MYO1F: variants seen among roughly 807,000 people sequenced by gnomAD.
The protein encoded by MYO1F is unconventional myosin-If.
MYO1F carries 60 observed loss-of-function variants against 146.6 expected under a neutral mutation model. The observed-to-expected ratio is 0.41, with a 90% CI of 0.33 to 0.51. The LOEUF (loss-of-function observed/expected upper bound fraction) is 0.51. Among genes scored for constraint, MYO1F ranks in the 20% least tolerant of loss-of-function variants. MYO1F has a pLI of 0.25. For synonymous variants in MYO1F, 602 were observed against 602.1 expected, an observed-to-expected ratio of 1.00 and a Z score of 0.00; for missense variants, 1,274 against 1,534.3, an observed-to-expected ratio of 0.83 and a Z score of 2.83.
chr19:8,546,478 G>A (rs962224895), intron 12 of MYO1F, among the ~76,000 whole-genome samples: 1 of 151,702 alleles, frequency 6.6e-6, no homozygotes. Context: ...TCTCATCTCA[G>A]CCTTCCGAGT....
chr19:8,543,984 CTGGTGGTGGTGCTGGTGGTGGCGG>C, intron 14 of MYO1F: 9 of 173,230 alleles, frequency 5.2e-5, no homozygotes, highest in South Asian at 4.3e-4. Context: ...GGTGCTGGTG[CTGGTGGTGGTGCTGGTGGTGGCGG>C]TGGCGGTGGC....
At position 8,543,988 on chromosome 19, in the gene MYO1F, TGGTGGTGCTGGTGGTGGCGGTGGC is replaced by T. The variant is rs1457184376; in HGVS notation, c.1524+285_1524+308del. ...GTGGTGGTGCTGGTGCTGGTGCTGG[TGGTGGTGCTGGTGGTGGCGGTGGC>T]GGTGGCGGTGGCGGTGGCGGTGGCG... On this transcript the variant is annotated intron_variant, in intron 14 of 27. Transcript: ENST00000644032. 857 of 326,660 alleles carry T rather than the reference TGGTGGTGCTGGTGGTGGCGGTGGC, an allele frequency of 2.6e-3. 3 individuals are homozygous for T. Among genetic ancestry groups the T allele is most frequent in the South Asian group, 4.7e-3 (182 of 38,904 alleles). 20.2% of individuals were successfully genotyped at this position (326,660 alleles called of 1,614,324 possible). A position where few individuals can be genotyped will look rare whatever the true frequency, so the allele number is the denominator to read the frequency against.
At chr19:8,521,707 G>C in intron 27 of MYO1F, 103 bp from the exon 28 acceptor site, 2 of 1,110,570 alleles carry the variant, frequency 1.8e-6, no homozygotes, top group Non-Finnish European at 1.3e-6. Flanking sequence ...ATGTTGTCCA[G>C]GCTGGTCTTA....
In MYO1F at chr19:8,530,461, TCCTC is replaced by T; in HGVS notation, c.2152_2155del (p.Glu718LysfsTer7). 6.2e-7 allele frequency: 1 copy of T among 1,613,702 alleles called. No homozygotes were observed. The highest frequency in any genetic ancestry group is 2.2e-5 in the East Asian group (1 of 44,878). ...GCCGTTTACCCGAAGCCTCTCACCT[TCCTC>T]CCGCATCTCCTCGTACTTCCGGACA... is the stretch of plus-strand genomic sequence containing the variant. On this transcript the variant is annotated frameshift_variant, in exon 20 of 28. Coordinates refer to ENST00000644032, the MANE Select transcript of MYO1F (RefSeq NM_012335.4). LOFTEE classifies it high-confidence loss of function. The surrounding 1 kb of genome is among the most constrained non-coding windows in gnomAD (Gnocchi z 5.8).
At chr19:8,532,078 A>G (rs1050653135) in intron 19 of MYO1F, among the ~76,000 whole-genome samples, 2 of 152,038 alleles carry the variant, frequency 1.3e-5, no homozygotes, top group African/African-American at 4.8e-5. Context: ...AGATTGCGCC[A>G]CTGCACTCCA....
intron 1 of MYO1F, among the ~76,000 whole-genome samples, chr19:8,567,349 G>A (rs1229228109): frequency 6.6e-6 from 1 of 151,794 alleles, no homozygotes; most frequent in Admixed American, 6.6e-5. Context: ...ACAGGCATGA[G>A]CCACCGTGCC....
At chr19:8,523,353 T>G (rs569184882) in intron 25 of MYO1F, among the ~76,000 whole-genome samples, 1 of 151,880 alleles carries the variant, frequency 6.6e-6, no homozygotes, top group Non-Finnish European at 1.5e-5. Context: ...TACTTTTATT[T>G]GTTTATTTTG....
At position 8,568,432 on chromosome 19, in the gene MYO1F, A is replaced by AAAAAAC. The variant is rs1568375555; in HGVS notation, c.3+8874_3+8875insGTTTTT. ...AGTGAGACTCCGTCTCAAAAAAAAAAAAAAAAAAAAAAATTAATCACAGGC... is the reference window on the plus strand; with the variant it reads ...AGTGAGACTCCGTCTCAAAAAAAAAAAAAAACAAAAAAAAAAAAATTAATCACAGGC... On this transcript the variant is annotated intron_variant, in intron 1 of 27. Transcript: ENST00000644032. Among the ~76,000 whole-genome samples, 514 of 148,166 alleles carry AAAAAAC rather than the reference A, an allele frequency of 3.5e-3. 12 individuals are homozygous for AAAAAAC. The highest frequency in any genetic ancestry group is 0.013 in the African/African-American group (498 of 39,306).
intron 4 of MYO1F, among the ~76,000 whole-genome samples, 196 bp downstream of exon 4, chr19:8,554,281 A>G (rs544532659): frequency 6.6e-6 from 1 of 152,132 alleles, no homozygotes; most frequent in Non-Finnish European, 1.5e-5. Flanking sequence ...GAGGGGACAG[A>G]CAGACAATAG....
chr19:8,525,282 G>A (rs1312960360), intron 25 of MYO1F, 197 bp downstream of exon 25: 1 of 584,592 alleles, frequency 1.7e-6, no homozygotes, highest in African/African-American at 1.9e-5. Context: ...GTGGTTAGCT[G>A]GGTTTGGGTT....
intron 2 of MYO1F, chr19:8,555,431 T>G (rs369884531): frequency 1.6e-5 from 6 of 366,740 alleles, no homozygotes; most frequent in African/African-American, 5.2e-5. Context: ...GGATCCGGAA[T>G]GGGGGAAATG....
intron 1 of MYO1F, among the ~76,000 whole-genome samples, chr19:8,574,249 C>T (rs1221746623): frequency 1.3e-5 from 2 of 152,176 alleles, no homozygotes; most frequent in African/African-American, 2.4e-5. Flanking sequence ...CCACCACAAC[C>T]AATGACACCA....
Position 8,521,620 on chromosome 19 carries a change from A to G in MYO1F, c.3221-16T>C, listed in dbSNP as rs1485834668. 9.3e-6 allele frequency: 15 copies of G among 1,613,372 alleles called. No individual in the cohort carries two copies. The highest frequency in any genetic ancestry group is 4.0e-5 in the African/African-American group (3 of 74,898). ...CCCGAGGGATCTGTGGGAGAGAGGA[A>G]AGCTTGAGGTGCCCCTAGCTGGCCC... On this transcript the variant is annotated splice_polypyrimidine_tract_variant and intron_variant, in intron 27 of 27. Coordinates refer to ENST00000644032, the MANE Select transcript of MYO1F (RefSeq NM_012335.4).
intron 15 of MYO1F, 48 bp from the exon 16 acceptor site, chr19:8,540,076 C>A: frequency 2.7e-6 from 4 of 1,503,902 alleles, no homozygotes; most frequent in Non-Finnish European, 3.7e-6. Flanking sequence ...GCTAGACTTT[C>A]GGGTACTCTT....
chr19:8,537,122 C>T, intron 16 of MYO1F, 67 bp from the exon 17 acceptor site: 1 of 1,075,568 alleles, frequency 9.3e-7, no homozygotes, highest in Non-Finnish European at 1.4e-6. Flanking sequence ...CCTCTTTTTT[C>T]CACCCTGGAT....
intron 1 of MYO1F, among the ~76,000 whole-genome samples, chr19:8,571,925 G>A (rs1043752913): frequency 6.6e-6 from 1 of 151,454 alleles, no homozygotes; most frequent in Admixed American, 6.6e-5. Flanking sequence ...GGGTTTCACT[G>A]TGTTAGCCAG....
chr19:8,560,922 A>AC (rs1216276254), intron 1 of MYO1F, among the ~76,000 whole-genome samples: 4 of 151,964 alleles, frequency 2.6e-5, no homozygotes, highest in African/African-American at 9.7e-5. Context: ...TATTTTTGGT[A>AC]GAGACGGGGT....
intron 6 of MYO1F, 34 bp from the exon 7 acceptor site, chr19:8,552,198 G>A (rs767031556): frequency 1.2e-6 from 2 of 1,612,232 alleles, no homozygotes; most frequent in South Asian, 1.1e-5. Flanking sequence ...GCACCCCAGT[G>A]TCCTGGGGTG....
intron 15 of MYO1F, 37 bp downstream of exon 15, chr19:8,541,869 G>A (rs779460375): frequency 1.3e-6 from 2 of 1,578,798 alleles, no homozygotes; most frequent in East Asian, 2.2e-5. Context: ...CCCTTGGGGG[G>A]TTGTAGCCGG....
Sources: allele counts gnomAD v4.1 joint callset (sites outside exome capture counted in the v4.1 genomes callset), GRCh38; gene constraint gnomAD v4.1.1; non-coding constraint Gnocchi (gnomAD v3.1); transcripts MANE v1.5; gene names NCBI Gene and HGNC (gene_info 2026-07-23, HGNC 2026-07-21).